The following DCDC2 variants were observed in gnomAD, a reference collection of about 807,000 sequenced individuals.
The protein encoded by DCDC2 is doublecortin domain-containing protein 2.
DCDC2 carries 40 observed loss-of-function variants against 50.2 expected under a neutral mutation model. The ratio of observed to expected loss-of-function variants is 0.80; its 90% CI spans 0.62 to 1.04. The LOEUF is 1.04. Ranked by LOEUF, DCDC2 falls within the 50% of genes least tolerant of loss-of-function variation. The pLI, the probability that DCDC2 is intolerant of heterozygous loss-of-function variation, is 0.00. For missense variants in DCDC2, 570 were observed against 581.9 expected, an observed-to-expected ratio of 0.98 and a Z score of 0.21; for synonymous variants, 234 against 210.6, an observed-to-expected ratio of 1.11 and a Z score of -0.96.
chr6:24,279,733 G>A (rs62400407), intron 6 of DCDC2, among the ~76,000 whole-genome samples: 2,351 of 152,316 alleles, frequency 0.015, 21 homozygotes, highest in Non-Finnish European at 0.024. Flanking sequence ...CCAGATACAT[G>A]GCTGAGAGCT....
intron 2 of DCDC2, among the ~76,000 whole-genome samples, chr6:24,333,241 T>A (rs1759998709): frequency 2.0e-5 from 3 of 151,972 alleles, no homozygotes; most frequent in Admixed American, 1.3e-4. Flanking sequence ...TTCCAAGTAG[T>A]CCCAAGTTCC....
chr6:24,287,945 G>C (rs1465131095), intron 6 of DCDC2, among the ~76,000 whole-genome samples: 1 of 152,134 alleles, frequency 6.6e-6, no homozygotes, highest in Admixed American at 6.5e-5. Context: ...TAGTATAAGA[G>C]TCTCAGCTAA....
intron 7 of DCDC2, among the ~76,000 whole-genome samples, chr6:24,212,702 T>C (rs1227636850): frequency 1.3e-5 from 2 of 152,224 alleles, no homozygotes; most frequent in Admixed American, 6.5e-5. Context: ...TCTCATCTTT[T>C]TTTCTTTGAA....
chr6:24,183,752 T>C (rs1251961989), intron 8 of DCDC2, among the ~76,000 whole-genome samples: 2 of 152,068 alleles, frequency 1.3e-5, no homozygotes, highest in Non-Finnish European at 2.9e-5. Context: ...TAAATACCAC[T>C]GTCTCCGAGA....
chr6:24,278,185 T>C lies in DCDC2; in HGVS notation c.786A>G (p.Thr262=). ...GSGNDRHSKS[T]VGSSDNSSPQ... Reference sequence around the variant, plus strand: ...GAGATGAGTTGTCACTGGATCCAACTGTTGACTTAGAGTGGCGATCATTTC... The same window carrying C: ...GAGATGAGTTGTCACTGGATCCAACCGTTGACTTAGAGTGGCGATCATTTC... The change falls in exon 7 of 10, where the codon ACA becomes ACG. Residue 262 remains threonine (T), a synonymous_variant. Transcript: ENST00000378454. The C allele has an allele frequency of 6.2e-7, 1 of 1,612,138 alleles. No individual in the cohort carries two copies. The highest frequency in any genetic ancestry group is 1.3e-5 in the African/African-American group (1 of 74,822).
intron 7 of DCDC2, among the ~76,000 whole-genome samples, chr6:24,237,891 T>C (rs1303801294): frequency 6.6e-6 from 1 of 151,076 alleles, no homozygotes; most frequent in Non-Finnish European, 1.5e-5. Flanking sequence ...GACATAAAGA[T>C]GGGAACAACA....
At chr6:24,358,512 T>TAAAAAAAA (rs966038766), upstream of DCDC2, among the ~76,000 whole-genome samples, 1 of 75,906 alleles carries the variant, frequency 1.3e-5, no homozygotes, top group African/African-American at 5.9e-5. Context: ...TCTCTACAAT[T>TAAAAAAAA]AAAAAAAAAA....
the DCDC2 span, among the ~76,000 whole-genome samples, chr6:24,375,778 T>C: frequency 6.6e-6 from 1 of 152,050 alleles, no homozygotes; most frequent in Non-Finnish European, 1.5e-5. Context: ...GTGCCTAGCA[T>C]ATAGGTGGTA....
chr6:24,230,343 TTAAA>T (rs34575544), intron 7 of DCDC2, among the ~76,000 whole-genome samples: 5,230 of 152,076 alleles, frequency 0.034, 272 homozygotes, highest in African/African-American at 0.12. Context: ...ACAACAACCC[TTAAA>T]TAAAGACTCG....
chr6:24,319,127 A>G (rs1263473374), intron 2 of DCDC2, among the ~76,000 whole-genome samples: 1 of 151,932 alleles, frequency 6.6e-6, no homozygotes, highest in African/African-American at 2.4e-5. Flanking sequence ...AGCCACTCTG[A>G]CTGGTATAAG....
rs530012741 is a variant in DCDC2, at chr6:24,325,148, T to A, written c.349-23104A>T. The stretch of plus-strand genomic sequence containing the variant: ...CAAAACCAGAATCTCCAGAGCCCCG[T>A]GGTCAAAACTAAAACGTTCCATCTA... On this transcript the variant is annotated intron_variant, in intron 2 of 9. Coordinates refer to ENST00000378454, the MANE Select transcript of DCDC2 (RefSeq NM_016356.5). Among the ~76,000 whole-genome samples the A allele has an allele frequency of 8.7e-4, 114 of 130,884 alleles. 8 individuals are homozygous for A. The highest frequency in any genetic ancestry group is 2.1e-4 in the Non-Finnish European group (12 of 57,096). 85.9% of individuals were successfully genotyped at this position (130,884 alleles called of 152,430 possible).
intron 7 of DCDC2, among the ~76,000 whole-genome samples, chr6:24,213,015 A>G (rs1761903675): frequency 6.6e-6 from 1 of 152,224 alleles, no homozygotes; most frequent in Non-Finnish European, 1.5e-5. Context: ...CAGTTTAACA[A>G]TATTACAATT....
intron 7 of DCDC2, among the ~76,000 whole-genome samples, chr6:24,240,876 G>T (rs982628826): frequency 2.0e-5 from 3 of 152,164 alleles, no homozygotes; most frequent in African/African-American, 7.2e-5. Flanking sequence ...GAAGAAAATT[G>T]AGTATTATAA....
intron 2 of DCDC2, among the ~76,000 whole-genome samples, chr6:24,321,351 G>A (rs998445168): frequency 2.8e-4 from 43 of 151,866 alleles, no homozygotes; most frequent in African/African-American, 9.9e-4. Flanking sequence ...TCCACAAGAC[G>A]GTAATTAATT....
intron 7 of DCDC2, among the ~76,000 whole-genome samples, chr6:24,212,517 G>A (rs1761894046): frequency 6.6e-6 from 1 of 152,090 alleles, no homozygotes; most frequent in Non-Finnish European, 1.5e-5. Context: ...ATCTTCCAGA[G>A]GAAAGTGATT....
intron 2 of DCDC2, among the ~76,000 whole-genome samples, chr6:24,303,842 A>G (rs1465319073): frequency 6.6e-6 from 1 of 152,234 alleles, no homozygotes; most frequent in Non-Finnish European, 1.5e-5. Context: ...TAAGTGGTAG[A>G]GTTTTAGTGA....
chr6:24,291,350 A>C (rs980009715), intron 4 of DCDC2, among the ~76,000 whole-genome samples: 2 of 152,206 alleles, frequency 1.3e-5, no homozygotes, highest in African/African-American at 4.8e-5. Context: ...ATGATCTGGC[A>C]TAAGGATCCC....
intron 8 of DCDC2, among the ~76,000 whole-genome samples, chr6:24,195,310 A>G (rs1761408396): frequency 6.6e-6 from 1 of 152,216 alleles, no homozygotes; most frequent in African/African-American, 2.4e-5. Flanking sequence ...TTATGCACAC[A>G]TTAGTTTGCA....
intron 8 of DCDC2, among the ~76,000 whole-genome samples, chr6:24,181,674 A>T (rs1349608257): frequency 6.6e-6 from 1 of 152,220 alleles, no homozygotes; most frequent in African/African-American, 2.4e-5. Flanking sequence ...CCAAAAGAAA[A>T]TTTAAAAGAC....
Sources: gnomAD v4.1 joint callset for allele counts (sites outside exome capture counted in the v4.1 genomes callset) on GRCh38, gnomAD v4.1.1 for gene constraint, MANE v1.5 for transcripts, NCBI Gene and HGNC (gene_info 2026-07-23, HGNC 2026-07-21) for gene names.